The following SRP19 variants were observed in gnomAD, a reference collection of about 807,000 sequenced individuals.
SRP19 encodes the protein signal recognition particle 19, also known as signal recognition particle 19 kDa protein.
In SRP19, 11 loss-of-function variants were observed where a neutral mutation model predicts 22.4. The ratio of observed to expected loss-of-function variants is 0.49; its 90% confidence interval spans 0.31 to 0.81. The LOEUF (loss-of-function observed/expected upper bound fraction) is 0.81, where lower values mean the gene tolerates loss of function less well. SRP19 is among the 40% of genes least tolerant of loss of function. The pLI is 0.05. For synonymous variants in SRP19, 61 were observed against 57.6 expected (o/e 1.06, Z -0.27); for missense variants, 168 against 175.9 (o/e 0.96, Z 0.25).
chr5:112,862,911 C>T (rs979727244), intron 2 of SRP19, among the ~76,000 whole-genome samples: 2 of 152,030 alleles, frequency 1.3e-5, no homozygotes, highest in African/African-American at 4.8e-5. Context: ...TGACATTGTA[C>T]GATACATTAA....
chr5:112,868,340 T>C lies in SRP19; in HGVS notation c.*803T>C. ...TGTTCTTCCTGAGGCCTGGTTTAGC[T>C]CTTCCTTGAATTCTGCAAGCTATCT... On this transcript the variant is annotated 3_prime_UTR_variant, in exon 5 of 5. Transcript: ENST00000505459. 2.0e-6 allele frequency: 2 copies of C among 987,972 alleles called. No homozygotes were observed. The highest frequency in any genetic ancestry group is 2.4e-6 in the Non-Finnish European group (2 of 831,624). 61.2% of individuals were successfully genotyped at this position (987,972 alleles called of 1,614,324 possible).
chr5:112,878,642 A>AACTT lies in SRP19; in HGVS notation c.302-12958_302-12955dup, dbSNP rs371806984. The AACTT allele has an allele frequency of 6.7e-4, 813 of 1,208,900 alleles. 11 individuals carry two copies. In the African/African-American group the frequency reaches 0.011, roughly 16 times the overall value. The allele number at this position is 1,208,900 out of a possible 1,614,324, so 74.9% of individuals were successfully genotyped here. Reference sequence around the variant, plus strand: ...TATAGACAGTAAAAGTAAGCAAAGAAACTTACAACACATTCCAATCTTTAA... The same window carrying AACTT: ...TATAGACAGTAAAAGTAAGCAAAGAAACTTACTTACAACACATTCCAATCTTTAA... On this transcript the variant is annotated intron_variant, in intron 4 of 4. Transcript: ENST00000391338.
chr5:112,888,414 T>C (rs1184995223), intron 4 of SRP19, among the ~76,000 whole-genome samples: 1 of 152,208 alleles, frequency 6.6e-6, no homozygotes, highest in Non-Finnish European at 1.5e-5. Flanking sequence ...AAAACCCAAG[T>C]TCTCAACAAT....
intron 4 of SRP19, chr5:112,876,511 G>A (rs1767899221): frequency 6.6e-6 from 1 of 152,172 alleles, no homozygotes; most frequent in Non-Finnish European, 1.5e-5. Context: ...GAGTCTTCCC[G>A]AGAGTAGCAG....
downstream of SRP19, chr5:112,895,295 A>C (rs1768649221): frequency 6.7e-6 from 1 of 149,748 alleles, no homozygotes; most frequent in Non-Finnish European, 1.5e-5. Flanking sequence ...ACTTTAGGCA[A>C]ATCAACCTAA....
chr5:112,898,085 T>C (rs1480364999), exon 4 of SRP19: 3 of 152,056 alleles, frequency 2.0e-5, no homozygotes, highest in African/African-American at 4.8e-5. Flanking sequence ...AACAAACCCA[T>C]GTCCTTACTT....
At chr5:112,884,494 C>T (rs1407601161) in intron 4 of SRP19, among the ~76,000 whole-genome samples, 2 of 151,044 alleles carry the variant, frequency 1.3e-5, no homozygotes, top group Non-Finnish European at 2.9e-5. Context: ...CCTCCTGCCT[C>T]AGCCTCCTGA....
chr5:112,862,765 A>G (rs1017813910), intron 2 of SRP19, among the ~76,000 whole-genome samples, 182 bp downstream of exon 2: 1 of 152,178 alleles, frequency 6.6e-6, no homozygotes. Flanking sequence ...GCATTAATTC[A>G]TAGCTGAAGG....
intron 4 of SRP19, among the ~76,000 whole-genome samples, chr5:112,883,136 C>T (rs1768128555): frequency 6.6e-6 from 1 of 152,214 alleles, no homozygotes; most frequent in Non-Finnish European, 1.5e-5. Flanking sequence ...AAGAAAAAAA[C>T]TTTTAAAATT....
At chr5:112,892,890 A>G (rs1768530145) in exon 5 of SRP19, 1 of 1,611,920 alleles carries the variant, frequency 6.2e-7, no homozygotes, top group Admixed American at 1.7e-5. Context: ...AACGCACATC[A>G]AAGAGTCGGG....
downstream of SRP19, chr5:112,895,748 A>C (rs2150041910): frequency 6.6e-6 from 1 of 152,330 alleles, no homozygotes; most frequent in Middle Eastern, 3.4e-3. Context: ...CTCTCTTCTT[A>C]ATCTGTGTAA....
downstream of SRP19, chr5:112,894,987 C>G (rs1768633855): frequency 6.6e-6 from 1 of 151,974 alleles, no homozygotes; most frequent in African/African-American, 2.4e-5. Context: ...GCCTGTAATC[C>G]CAGCACTTTA....
chr5:112,887,207 G>A, intron 4 of SRP19: 1 of 1,545,512 alleles, frequency 6.5e-7, no homozygotes, highest in Non-Finnish European at 8.8e-7. Flanking sequence ...GAGCCAGCAT[G>A]GGTAACAGGA....
Position 112,869,068 on chromosome 5 carries a change from A to G in SRP19, c.*1531A>G, listed in dbSNP as rs1359879389. ...GTGTTTGGCTGTGTAACAAAACAAT[A>G]AGGGGATGTGTTTGCTGTGTAACAA... On this transcript the variant is annotated 3_prime_UTR_variant, in exon 5 of 5. Coordinates refer to ENST00000505459, the MANE Select transcript of SRP19 (RefSeq NM_003135.3). 1 of 152,184 alleles carries G rather than the reference A, an allele frequency of 6.6e-6. No homozygotes were observed. The highest frequency in any genetic ancestry group is 1.5e-5 in the Non-Finnish European group (1 of 68,024). The allele number at this position is 152,184 out of a possible 1,614,324, so 9.4% of individuals were successfully genotyped here.
intron 2 of SRP19, among the ~76,000 whole-genome samples, chr5:112,863,869 T>C (rs1767498310): frequency 6.6e-6 from 1 of 152,200 alleles, no homozygotes; most frequent in Admixed American, 6.5e-5. Flanking sequence ...TTCTCCATGT[T>C]GTCCAGGCTT....
chr5:112,886,516 T>C (rs1189894681), intron 4 of SRP19, among the ~76,000 whole-genome samples: 1 of 152,200 alleles, frequency 6.6e-6, no homozygotes, highest in Non-Finnish European at 1.5e-5. Context: ...AGAGAACACA[T>C]ACCTGAGGGG....
chr5:112,886,268 T>G (rs1021864736), intron 4 of SRP19, among the ~76,000 whole-genome samples: 1 of 152,270 alleles, frequency 6.6e-6, no homozygotes, highest in Non-Finnish European at 1.5e-5. Context: ...TATTGTCTTT[T>G]GGCATCCAGC....
intron 1 of SRP19, among the ~76,000 whole-genome samples, chr5:112,862,087 A>G (rs1767420543): frequency 6.6e-6 from 1 of 152,236 alleles, no homozygotes. Flanking sequence ...GTTTTGAATA[A>G]GGAATTGAAC....
chr5:112,867,724 G>T lies in SRP19; in HGVS notation c.*187G>T, dbSNP rs958233009. 1 of 1,306,732 alleles carries T rather than the reference G, an allele frequency of 7.7e-7. No individual in the cohort carries two copies. Among genetic ancestry groups the T allele is most frequent in the Non-Finnish European group, 9.7e-7 (1 of 1,027,044 alleles). The allele number at this position is 1,306,732 out of a possible 1,614,324, so 80.9% of individuals were successfully genotyped here. A position where few individuals can be genotyped will look rare whatever the true frequency, so the allele number is the denominator to read the frequency against. On this transcript the variant is annotated 3_prime_UTR_variant, in exon 5 of 5. Coordinates refer to ENST00000505459, the MANE Select transcript of SRP19 (RefSeq NM_003135.3). ...TTTACATCAGAAGTTTGCATCTCGC[G>T]TATATGCCGTATAAAAGAATTTTTT...
Sources: allele counts gnomAD v4.1 joint callset (sites outside exome capture counted in the v4.1 genomes callset), GRCh38; gene constraint gnomAD v4.1.1; transcripts MANE v1.5; gene names NCBI Gene and HGNC (gene_info 2026-07-23, HGNC 2026-07-21).